Variants in L3MBTL4 observed in about 807,000 individuals in gnomAD.
L3MBTL4 encodes the protein L3MBTL histone methyl-lysine binding protein 4.
Under a neutral mutation model 84.5 loss-of-function variants are expected in L3MBTL4, and 70 were observed. That is an observed-to-expected ratio of 0.83 (90% CI 0.68 to 1.01). L3MBTL4 has a LOEUF of 1.01. Among genes scored for constraint, L3MBTL4 ranks in the 50% least tolerant of loss-of-function variants. The probability of loss-of-function intolerance (pLI) is 0.00; values close to 1 mark genes in which losing one functional copy is unlikely to be tolerated. For missense variants in L3MBTL4, 715 were observed against 754.8 expected, an observed-to-expected ratio of 0.95 and a Z score of 0.62; for synonymous variants, 274 against 259.8, an observed-to-expected ratio of 1.05 and a Z score of -0.52.
At chr18:6,110,261 A>G (rs2047734280) in intron 14 of L3MBTL4, among the ~76,000 whole-genome samples, 1 of 152,172 alleles carries the variant, frequency 6.6e-6, no homozygotes, top group Non-Finnish European at 1.5e-5. Flanking sequence ...TGGAAATGTC[A>G]TCTGTACATT....
intron 16 of L3MBTL4, among the ~76,000 whole-genome samples, chr18:6,028,198 T>C (rs2055601378): frequency 6.6e-6 from 1 of 152,228 alleles, no homozygotes; most frequent in Admixed American, 6.5e-5. Context: ...AATTAATCCA[T>C]CTTGAGTTAA....
At chr18:5,993,347 GGCTGAAGAACA>G (rs1263375123) in intron 16 of L3MBTL4, among the ~76,000 whole-genome samples, 10 of 152,162 alleles carry the variant, frequency 6.6e-5, no homozygotes, top group African/African-American at 2.4e-4. Flanking sequence ...GGTGAAAATG[GGCTGAAGAACA>G]GCCTGTCTAG....
At chr18:6,346,000 C>T (rs373513966) in intron 1 of L3MBTL4, among the ~76,000 whole-genome samples, 4 of 150,832 alleles carry the variant, frequency 2.7e-5, no homozygotes, top group East Asian at 1.9e-4. Context: ...CAGAATGGAG[C>T]GCCAAGAAAT....
chr18:6,056,720 G>A (rs867516278), intron 16 of L3MBTL4, among the ~76,000 whole-genome samples: 10 of 152,092 alleles, frequency 6.6e-5, no homozygotes, highest in African/African-American at 2.4e-4. Context: ...AGTTAACTCC[G>A]TGGGTGTCCT....
chr18:6,139,255 C>G (rs1486217572), intron 13 of L3MBTL4, among the ~76,000 whole-genome samples: 2 of 152,082 alleles, frequency 1.3e-5, no homozygotes, highest in Non-Finnish European at 2.9e-5. Flanking sequence ...ATATACTACA[C>G]TGTACTATAA....
intron 12 of L3MBTL4, among the ~76,000 whole-genome samples, chr18:6,173,218 T>C (rs1400939221): frequency 6.6e-6 from 1 of 152,180 alleles, no homozygotes; most frequent in Non-Finnish European, 1.5e-5. Flanking sequence ...TGCCCTTTCA[T>C]AGTAATAACC....
intron 16 of L3MBTL4, among the ~76,000 whole-genome samples, chr18:6,047,914 G>T (rs1051990789): frequency 6.6e-6 from 1 of 152,142 alleles, no homozygotes; most frequent in African/African-American, 2.4e-5. Context: ...GAGCAATCAG[G>T]CAAGAGAAAG....
intron 16 of L3MBTL4, among the ~76,000 whole-genome samples, chr18:5,985,900 T>G (rs141202500): frequency 3.1e-4 from 47 of 152,224 alleles, no homozygotes; most frequent in Non-Finnish European, 4.9e-4. Flanking sequence ...GGAGGTATTT[T>G]GTGGTTGGGA....
intron 5 of L3MBTL4, among the ~76,000 whole-genome samples, chr18:6,248,116 C>G (rs2047762792): frequency 6.7e-6 from 1 of 149,204 alleles, no homozygotes; most frequent in African/African-American, 2.4e-5. Flanking sequence ...TAAGACTAAT[C>G]CCCCCCCAAA....
chr18:6,318,962 A>G (rs1303190149), intron 1 of L3MBTL4, among the ~76,000 whole-genome samples: 2 of 152,148 alleles, frequency 1.3e-5, no homozygotes, highest in East Asian at 1.9e-4. Context: ...AAAACTGGAA[A>G]TTAACTCAAC....
chr18:6,011,309 TAAAC>T (rs2054724781), intron 16 of L3MBTL4, among the ~76,000 whole-genome samples: 1 of 151,934 alleles, frequency 6.6e-6, no homozygotes, highest in Non-Finnish European at 1.5e-5. Flanking sequence ...TTCAGAAAGA[TAAAC>T]AATAAAAAAA....
chr18:5,962,605 A>T (rs1250153993), intron 17 of L3MBTL4, among the ~76,000 whole-genome samples: 3 of 152,204 alleles, frequency 2.0e-5, no homozygotes, highest in Non-Finnish European at 1.5e-5. Context: ...CACACCACAC[A>T]GATGATAAAT....
intron 4 of L3MBTL4, among the ~76,000 whole-genome samples, chr18:6,264,510 G>A (rs769481605): frequency 4.6e-5 from 7 of 152,172 alleles, no homozygotes; most frequent in Non-Finnish European, 7.4e-5. Context: ...CTGGCCTGGC[G>A]TGGTGACTCA....
At chr18:6,311,700 C>T (rs913526680) in intron 2 of L3MBTL4, 44 bp from the exon 3 acceptor site, 2 of 1,111,274 alleles carry the variant, frequency 1.8e-6, no homozygotes, top group Non-Finnish European at 2.8e-6. Context: ...GGGGGTGTGA[C>T]CCCTTCAGAA....
At chr18:6,336,179 T>A (rs569103874) in intron 1 of L3MBTL4, among the ~76,000 whole-genome samples, 1 of 151,812 alleles carries the variant, frequency 6.6e-6, no homozygotes, top group East Asian at 1.9e-4. Context: ...CTACATAAAA[T>A]ACTAAACTAA....
chr18:6,394,564 A>T (rs1038131777), intron 1 of L3MBTL4, among the ~76,000 whole-genome samples: 3 of 152,118 alleles, frequency 2.0e-5, no homozygotes, highest in African/African-American at 7.2e-5. Context: ...ACCAGGACAC[A>T]AGCTTCACAA....
At chr18:6,356,314 TA>T (rs1278758783) in intron 1 of L3MBTL4, among the ~76,000 whole-genome samples, 3 of 152,200 alleles carry the variant, frequency 2.0e-5, no homozygotes, top group Non-Finnish European at 4.4e-5. Flanking sequence ...GCAATCAACA[TA>T]ACAGAGTTAC....
intron 12 of L3MBTL4, among the ~76,000 whole-genome samples, chr18:6,204,874 G>C (rs1430400772): frequency 1.3e-5 from 2 of 152,196 alleles, no homozygotes; most frequent in African/African-American, 4.8e-5. Flanking sequence ...ACAGCTCCTG[G>C]GATGGTCTCT....
intron 13 of L3MBTL4, among the ~76,000 whole-genome samples, chr18:6,168,538 T>C (rs191893509): frequency 0.016 from 2,416 of 152,240 alleles, 60 homozygotes; most frequent in African/African-American, 0.055. Context: ...TCTACAACTA[T>C]CTGATCTTTG....
Sources: gnomAD v4.1 joint callset for allele counts (sites outside exome capture counted in the v4.1 genomes callset) on GRCh38, gnomAD v4.1.1 for gene constraint, MANE v1.5 for transcripts, NCBI Gene and HGNC (gene_info 2026-07-23, HGNC 2026-07-21) for gene names.